NPHP3: variants seen among roughly 807,000 people sequenced by gnomAD.
The protein encoded by NPHP3 is nephrocystin 3, also known as nephrocystin-3.
Under a neutral mutation model 171.9 loss-of-function variants are expected in NPHP3, and 123 were observed. The observed-to-expected ratio is 0.72, with a 90% CI of 0.62 to 0.83. NPHP3 has a LOEUF of 0.83. Ranked by LOEUF, NPHP3 falls within the 40% of genes least tolerant of loss-of-function variation. The pLI is 0.00. For missense variants in NPHP3, 1,506 were observed against 1,591.9 expected (o/e 0.95, Z 0.92); for synonymous variants, 558 against 579.2 (o/e 0.96, Z 0.52).
intron 26 of NPHP3, 170 bp from the exon 27 acceptor site, chr3:132,682,260 T>C (rs1939050656): frequency 1.6e-6 from 1 of 640,596 alleles, no homozygotes. Context: ...CTCTTCTCCT[T>C]TCTACCAGTA....
intron 17 of NPHP3, 129 bp from the exon 18 acceptor site, chr3:132,691,415 T>C: frequency 1.5e-6 from 1 of 685,250 alleles, no homozygotes; most frequent in Non-Finnish European, 2.6e-6. Flanking sequence ...GTCACTTAAA[T>C]GTTTTTAAAT....
chr3:132,688,507 C>T (rs1181213507), intron 21 of NPHP3, 143 bp downstream of exon 21: 1 of 883,098 alleles, frequency 1.1e-6, no homozygotes, highest in East Asian at 2.4e-5. Context: ...TCTTATAGTT[C>T]TCATTTTCTC....
chr3:132,694,885 A>G lies in NPHP3; in HGVS notation c.2252T>C (p.Val751Ala), dbSNP rs774109425. 2.5e-6 allele frequency: 4 copies of G among 1,613,758 alleles called. No individual in the cohort carries two copies. In the Admixed American group the frequency reaches 6.7e-5, roughly 27 times the overall value. Reference protein sequence around the residue: ...CQDTLSLYRLVLHSIRESMAN... With the variant: ...CQDTLSLYRLALHSIRESMAN... Reference sequence around the variant, plus strand: ...CATGGACTCCCGGATAGAGTGCAGAACAAGTCTATATAATGAAAGAGTATC... The same window carrying G: ...CATGGACTCCCGGATAGAGTGCAGAGCAAGTCTATATAATGAAAGAGTATC... The change falls in exon 16 of 27, where the codon GTT becomes GCT. Residue 751 changes from valine (V) to alanine (A), a missense_variant. Physicochemically the swap from Val to Ala is moderately conservative, Grantham distance 64. Around this residue, in one of 3 missense-constraint regions of NPHP3, gnomAD observed 930 missense variants for 924.9 expected, o/e 1.01. Coordinates refer to ENST00000337331, the MANE Select transcript of NPHP3 (RefSeq NM_153240.5).
In NPHP3 at chr3:132,719,705, C is replaced by T; in HGVS notation, c.519G>A (p.Lys173=). ...HDRDKVKRQF[K]IFRETKENEI... ...GGGGGTAAAAATGTAAGGAATTTAC[C>T]TTGAATTGCCTTTTAACTTTATCTC... Residue 173 remains lysine (K), a splice_region_variant and synonymous_variant, in exon 2 of 27, where the codon AAG becomes AAA. Coordinates refer to ENST00000337331, the MANE Select transcript of NPHP3 (RefSeq NM_153240.5). 2.6e-6 allele frequency: 4 copies of T among 1,544,700 alleles called. No individual in the cohort carries two copies. Among genetic ancestry groups the T allele is most frequent in the South Asian group, 1.3e-5 (1 of 77,318 alleles).
chr3:132,716,968 A>C, intron 3 of NPHP3, 59 bp from the exon 4 acceptor site: 2 of 1,518,722 alleles, frequency 1.3e-6, no homozygotes, highest in Non-Finnish European at 9.1e-7. Context: ...TCAAAAACTC[A>C]TCACATATAC....
In NPHP3 at chr3:132,689,247, A is replaced by C; in HGVS notation, c.2710T>G (p.Leu904Val). Reference protein sequence around the residue: ...NLYKRGHFAELLSYWQFVGKD... With the variant: ...NLYKRGHFAEVLSYWQFVGKD... The stretch of plus-strand genomic sequence containing the variant: ...CCAACAAACTGCCAATAACTCAGCA[A>C]CTCAGCAAAGTGTCCCCTGTTTCAA... The change falls in exon 20 of 27, where the codon TTG becomes GTG. Residue 904 changes from leucine to valine, a missense_variant. Leu to Val is a conservative substitution (Grantham distance 32). This residue lies in a region of NPHP3 where 569 missense variants were observed against 648.1 expected (regional missense o/e 0.88). Transcript: ENST00000337331. The C allele has an allele frequency of 6.2e-7, 1 of 1,614,164 alleles. No individual in the cohort carries two copies. The highest frequency in any genetic ancestry group is 8.5e-7 in the Non-Finnish European group (1 of 1,179,974).
At chr3:132,692,860 T>C (rs772704288) in intron 16 of NPHP3, 42 bp from the exon 17 acceptor site, 3 of 1,528,164 alleles carry the variant, frequency 2.0e-6, no homozygotes, top group Non-Finnish European at 1.8e-6. Flanking sequence ...AAAGCACCTG[T>C]ATAAGTAACT....
chr3:132,692,461 C>T (rs112620811), intron 17 of NPHP3, among the ~76,000 whole-genome samples, 193 bp downstream of exon 17: 6 of 148,960 alleles, frequency 4.0e-5, no homozygotes, highest in African/African-American at 1.2e-4. Flanking sequence ...GACCACTTAA[C>T]GTGAGATCTA....
At chr3:132,697,946 A>T (rs989164069) in intron 13 of NPHP3, among the ~76,000 whole-genome samples, 2 of 152,002 alleles carry the variant, frequency 1.3e-5, no homozygotes, top group African/African-American at 4.8e-5. Flanking sequence ...GAGCAAAAAC[A>T]GGTTGAGAAA....
chr3:132,695,116 T>C (rs1290095309), intron 15 of NPHP3, 151 bp from the exon 16 acceptor site: 1 of 695,986 alleles, frequency 1.4e-6, no homozygotes, highest in Non-Finnish European at 2.5e-6. Context: ...GGTAGTTTTA[T>C]GGGGCTGCTA....
intron 8 of NPHP3, chr3:132,705,533 G>C: frequency 2.3e-6 from 1 of 425,954 alleles, no homozygotes; most frequent in Non-Finnish European, 4.4e-6. Context: ...ATAGTCCTCT[G>C]AGATAGATGA....
intron 23 of NPHP3, chr3:132,685,995 G>C: frequency 2.7e-6 from 1 of 371,866 alleles, no homozygotes; most frequent in South Asian, 2.2e-5. Flanking sequence ...GTTGCAGTGA[G>C]CCGAGATCAC....
intron 15 of NPHP3, 25 bp from the exon 16 acceptor site, chr3:132,694,990 A>T: frequency 5.0e-6 from 8 of 1,612,882 alleles, no homozygotes; most frequent in African/African-American, 1.3e-5. Context: ...AAGAGATTTA[A>T]TTTCTTACAG....
At chr3:132,703,348 C>T (rs1437783955) in intron 9 of NPHP3, among the ~76,000 whole-genome samples, 1 of 152,048 alleles carries the variant, frequency 6.6e-6, no homozygotes, top group African/African-American at 2.4e-5. Flanking sequence ...TTAGTTCTTA[C>T]ATTAATTTTT....
At chr3:132,697,175 C>T in intron 14 of NPHP3, 85 bp downstream of exon 14, 1 of 935,740 alleles carries the variant, frequency 1.1e-6, no homozygotes, top group Admixed American at 1.7e-5. Flanking sequence ...AACAGATCCC[C>T]TATATTGAAT....
Position 132,691,177 on chromosome 3 carries a change from G to C in NPHP3, c.2570+15C>G. 1 of 1,582,814 alleles carries C rather than the reference G, an allele frequency of 6.3e-7. No homozygotes were observed. Among genetic ancestry groups the C allele is most frequent in the East Asian group, 2.2e-5 (1 of 44,596 alleles). ...TGCAGAAGTTACAGAAGAACAACAGGAACATTTACAATACCTTAGCTGCAA... is the reference window on the plus strand; with the variant it reads ...TGCAGAAGTTACAGAAGAACAACAGCAACATTTACAATACCTTAGCTGCAA... On this transcript the variant is annotated intron_variant, in intron 18 of 26. Transcript: ENST00000337331.
At position 132,689,193 on chromosome 3, in the gene NPHP3, A is replaced by T. The variant is rs1325385305; in HGVS notation, c.2764T>A (p.Tyr922Asn). ...TCATACTGCTTCAATGAATCGAAGTATTCTGTTGCCATTGCACTTTTGTCT... is the reference window on the plus strand; with the variant it reads ...TCATACTGCTTCAATGAATCGAAGTTTTCTGTTGCCATTGCACTTTTGTCT... The part of the protein sequence containing the change: ...GKDKSAMATE[Y>N]FDSLKQYEKN... The change falls in exon 20 of 27, where the codon TAC becomes AAC. Residue 922 changes from tyrosine to asparagine, a missense_variant. Transcript: ENST00000337331. 1 of 1,614,142 alleles carries T rather than the reference A, an allele frequency of 6.2e-7. No individual in the cohort carries two copies. The highest frequency in any genetic ancestry group is 8.5e-7 in the Non-Finnish European group (1 of 1,179,990).
intron 23 of NPHP3, 55 bp downstream of exon 23, chr3:132,686,205 T>C: frequency 6.4e-7 from 1 of 1,572,866 alleles, no homozygotes. Flanking sequence ...TAAAACAGCA[T>C]TGCATCAAAG....
rs267606916 is a variant in NPHP3 at position 132,696,798 on chromosome 3, G to A, written c.2104C>T (p.Arg702Ter). Residue 702 changes from arginine (R) to a stop codon, truncating the protein, a stop_gained, in exon 15 of 27, where the codon CGA (arginine) becomes TGA (stop). Transcript: ENST00000337331. LOFTEE classifies it high-confidence loss of function. ...LSKEQEKKLE[R>*]HCRSATTCNA... ...CAGGTTGTAGCAGAACGACAGTGTC[G>A]TTCTAGCTTCTTCTCCTGCACCAGT... 9.6e-5 allele frequency: 155 copies of A among 1,613,716 alleles called. No individual in the cohort carries two copies. The highest frequency in any genetic ancestry group is 1.2e-4 in the Non-Finnish European group (139 of 1,179,872).
Sources: gnomAD v4.1 joint callset for allele counts (sites outside exome capture counted in the v4.1 genomes callset) on GRCh38, gnomAD v4.1.1 for gene constraint, gnomAD v4.1.1 regional missense constraint, MANE v1.5 for transcripts, NCBI Gene and HGNC (gene_info 2026-07-23, HGNC 2026-07-21) for gene names.